KHDRBS2: variants seen among roughly 807,000 people sequenced by gnomAD.
KHDRBS2 encodes KH domain-containing, RNA-binding, signal transduction-associated protein 2.
In KHDRBS2, 26 loss-of-function variants were observed where a neutral mutation model predicts 44.3. The ratio of observed to expected loss-of-function variants is 0.59; its 90% CI spans 0.43 to 0.81. KHDRBS2 has a LOEUF of 0.81. KHDRBS2 is among the 40% of genes least tolerant of loss of function. KHDRBS2 has a pLI of 0.00. For missense variants in KHDRBS2, 476 were observed against 433.1 expected (o/e 1.10, Z -0.88); for synonymous variants, 194 against 151.1 (o/e 1.28, Z -2.08).
At chr6:62,024,374 T>C (rs1364191079) in intron 3 of KHDRBS2, among the ~76,000 whole-genome samples, 3 of 151,560 alleles carry the variant, frequency 2.0e-5, no homozygotes, top group Non-Finnish European at 4.4e-5. Context: ...TTTTGTAACA[T>C]TATTTTCCAT....
In KHDRBS2 at chr6:61,969,698, T is replaced by G. The variant is rs576169397; in HGVS notation, c.483+8368A>C. ...AAGAGGATTAAAATGTAATTTATGTTGGAAAAATGCAATAATTTCATCAGA... is the reference window on the plus strand; with the variant it reads ...AAGAGGATTAAAATGTAATTTATGTGGGAAAAATGCAATAATTTCATCAGA... On this transcript the variant is annotated intron_variant, in intron 4 of 8. Coordinates refer to ENST00000281156, the MANE Select transcript of KHDRBS2 (RefSeq NM_152688.4). Among the ~76,000 whole-genome samples, 113 of 152,124 alleles carry G rather than the reference T, an allele frequency of 7.4e-4. 2 individuals are homozygous for G. In the South Asian group the frequency reaches 0.014, roughly 19 times the overall value.
At chr6:61,870,113 G>A (rs1368839245) in intron 6 of KHDRBS2, among the ~76,000 whole-genome samples, 3 of 152,226 alleles carry the variant, frequency 2.0e-5, no homozygotes, top group African/African-American at 7.2e-5. Context: ...ATGGAGCCCA[G>A]CAAGCTAAGA....
At chr6:62,054,894 A>G (rs1279567370) in intron 2 of KHDRBS2, among the ~76,000 whole-genome samples, 2 of 152,074 alleles carry the variant, frequency 1.3e-5, no homozygotes, top group Non-Finnish European at 2.9e-5. Context: ...GCGATAGGAA[A>G]CTAAAATACT....
intron 2 of KHDRBS2, among the ~76,000 whole-genome samples, chr6:62,100,924 T>C (rs1584699527): frequency 6.6e-6 from 1 of 152,168 alleles, no homozygotes; most frequent in Non-Finnish European, 1.5e-5. Flanking sequence ...ATTACAGCTA[T>C]AGATTTTTAC....
At chr6:62,250,643 A>C (rs1442806942) in intron 1 of KHDRBS2, among the ~76,000 whole-genome samples, 1 of 151,968 alleles carries the variant, frequency 6.6e-6, no homozygotes, top group Non-Finnish European at 1.5e-5. Context: ...TGGAAAACCA[A>C]CATTTTTTTA....
At chr6:61,670,925 A>G in the KHDRBS2 span, among the ~76,000 whole-genome samples, 1 of 151,646 alleles carries the variant, frequency 6.6e-6, no homozygotes, top group African/African-American at 2.4e-5. Context: ...AGCTCTGTTG[A>G]ATAGATTGGA....
At chr6:62,173,278 C>T (rs985619759) in intron 2 of KHDRBS2, among the ~76,000 whole-genome samples, 1 of 150,824 alleles carries the variant, frequency 6.6e-6, no homozygotes, top group African/African-American at 2.4e-5. Context: ...CACAGAAATA[C>T]AAAAACCTTC....
intron 6 of KHDRBS2, among the ~76,000 whole-genome samples, chr6:61,893,440 A>T (rs753522322): frequency 1.4e-4 from 22 of 152,182 alleles, no homozygotes; most frequent in Admixed American, 3.9e-4. Flanking sequence ...CTATAAAGAC[A>T]CATGCACACG....
intron 6 of KHDRBS2, among the ~76,000 whole-genome samples, chr6:61,772,628 C>A (rs528507896): frequency 1.3e-4 from 20 of 151,450 alleles, no homozygotes; most frequent in Non-Finnish European, 2.8e-4. Context: ...AGTTGATTCT[C>A]TTTTATTTTA....
At chr6:62,143,618 CT>C (rs1192704543) in intron 2 of KHDRBS2, among the ~76,000 whole-genome samples, 1 of 151,914 alleles carries the variant, frequency 6.6e-6, no homozygotes, top group Non-Finnish European at 1.5e-5. Context: ...GTTCCATGCA[CT>C]TTCTTCTATA....
At chr6:62,127,106 G>A (rs2150086985) in intron 2 of KHDRBS2, among the ~76,000 whole-genome samples, 1 of 152,282 alleles carries the variant, frequency 6.6e-6, no homozygotes, top group South Asian at 2.1e-4. Flanking sequence ...ATTTAATTTG[G>A]CGTGGTTTAA....
intron 1 of KHDRBS2, among the ~76,000 whole-genome samples, chr6:62,263,604 T>C (rs1451759282): frequency 6.6e-6 from 1 of 151,752 alleles, no homozygotes; most frequent in African/African-American, 2.4e-5. Context: ...AATATTTTTC[T>C]TAACTTTGTA....
At chr6:61,667,877 T>C in the KHDRBS2 span, among the ~76,000 whole-genome samples, 1 of 151,224 alleles carries the variant, frequency 6.6e-6, no homozygotes, top group African/African-American at 2.4e-5. Flanking sequence ...CAATAAATCA[T>C]TTGAATATTA....
intron 8 of KHDRBS2, among the ~76,000 whole-genome samples, chr6:61,694,012 A>G (rs1182576647): frequency 6.6e-6 from 1 of 152,208 alleles, no homozygotes; most frequent in Admixed American, 6.5e-5. Context: ...TGATCCTGCC[A>G]GATATCATCA....
the KHDRBS2 span, among the ~76,000 whole-genome samples, chr6:61,586,474 C>G: frequency 6.6e-6 from 1 of 152,102 alleles, no homozygotes; most frequent in Non-Finnish European, 1.5e-5. Context: ...CTAAGTGGCT[C>G]TAATAATGCC....
chr6:61,615,194 C>G, the KHDRBS2 span, among the ~76,000 whole-genome samples: 1 of 133,838 alleles, frequency 7.5e-6, no homozygotes, highest in Non-Finnish European at 1.5e-5. Flanking sequence ...GATCACACCA[C>G]TGCACTCCAG....
chr6:61,736,466 A>C (rs757384493), intron 6 of KHDRBS2, among the ~76,000 whole-genome samples: 16 of 152,000 alleles, frequency 1.1e-4, no homozygotes, highest in Non-Finnish European at 1.3e-4. Context: ...AAGGGGTGCA[A>C]ACTTCTTTTT....
At chr6:62,100,892 AG>A (rs1801716250) in intron 2 of KHDRBS2, among the ~76,000 whole-genome samples, 1 of 152,200 alleles carries the variant, frequency 6.6e-6, no homozygotes, top group Non-Finnish European at 1.5e-5. Context: ...TGCAGACTAA[AG>A]AAAGAGATGA....
intron 1 of KHDRBS2, among the ~76,000 whole-genome samples, chr6:62,279,154 T>C (rs1307085301): frequency 6.6e-6 from 1 of 151,630 alleles, no homozygotes; most frequent in Non-Finnish European, 1.5e-5. Flanking sequence ...AAAGCCTCAA[T>C]CCAAACAACA....
Sources: gnomAD v4.1 joint callset for allele counts (sites outside exome capture counted in the v4.1 genomes callset) on GRCh38, gnomAD v4.1.1 for gene constraint, MANE v1.5 for transcripts, NCBI Gene and HGNC (gene_info 2026-07-23, HGNC 2026-07-21) for gene names.